BRAP: variants seen among roughly 807,000 people sequenced by gnomAD.
BRAP encodes BRCA1-associated protein.
In BRAP, 42 loss-of-function variants were observed where a neutral mutation model predicts 73.4. That is an observed-to-expected ratio of 0.57 (90% CI 0.45 to 0.74). The LOEUF is 0.74. Among genes scored for constraint, BRAP ranks in the 30% least tolerant of loss-of-function variants. BRAP has a pLI of 0.00. For missense variants in BRAP, 593 were observed against 751.4 expected, an observed-to-expected ratio of 0.79 and a Z score of 2.46; for synonymous variants, 255 against 267.4, an observed-to-expected ratio of 0.95 and a Z score of 0.45.
chr12:111,662,598 A>C (rs1438853093), intron 6 of BRAP, among the ~76,000 whole-genome samples: 1 of 152,098 alleles, frequency 6.6e-6, no homozygotes, highest in Non-Finnish European at 1.5e-5. Flanking sequence ...AGTAAATAAA[A>C]CCAAGAAAAT....
rs555226208 is a variant in BRAP, at chr12:111,671,093, C to G, written c.747+1568G>C. Among the ~76,000 whole-genome samples, 60 of 143,026 alleles carry G rather than the reference C, an allele frequency of 4.2e-4. 1 individual carries two copies. The highest frequency in any genetic ancestry group is 1.5e-3 in the African/African-American group (56 of 37,650). The allele number at this position is 143,026 out of a possible 152,430, so 93.8% of individuals were successfully genotyped here. On this transcript the variant is annotated intron_variant, in intron 5 of 11. Coordinates refer to ENST00000419234, the MANE Select transcript of BRAP (RefSeq NM_006768.5). ...CCAGCCTGGGTGACAGAGTGAGACT[C>G]ATGTCTCCAAAAAAAAAAGAAAGGA...
chr12:111,653,040 T>A (rs997653988), intron 10 of BRAP, among the ~76,000 whole-genome samples: 2 of 152,088 alleles, frequency 1.3e-5, no homozygotes, highest in African/African-American at 4.8e-5. Flanking sequence ...ATTTTTTTTT[T>A]AAATCAGCCA....
intron 1 of BRAP, 133 bp from the exon 2 acceptor site, chr12:111,683,440 A>T (rs1566133087): frequency 3.9e-6 from 4 of 1,015,734 alleles, no homozygotes; most frequent in Non-Finnish European, 2.9e-6. Context: ...TGTAGTATCC[A>T]TCTCACTCAA....
At chr12:111,679,982 G>C (rs1275957614) in intron 3 of BRAP, among the ~76,000 whole-genome samples, 1 of 150,456 alleles carries the variant, frequency 6.6e-6, no homozygotes, top group Non-Finnish European at 1.5e-5. Flanking sequence ...AAATATACGA[G>C]AGAATTCTGT....
rs1312690061 is a variant in BRAP at position 111,643,009 on chromosome 12, AC to A, written c.*1189del. 1 of 152,234 alleles carries A rather than the reference AC, an allele frequency of 6.6e-6. No homozygotes were observed. Among genetic ancestry groups the A allele is most frequent in the Admixed American group, 6.5e-5 (1 of 15,278 alleles). 9.4% of individuals were successfully genotyped at this position (152,234 alleles called of 1,614,324 possible). A position where few individuals can be genotyped will look rare whatever the true frequency, so the allele number is the denominator to read the frequency against. ...AAACTAAAACCTGTTGTTTAACAAT[AC>A]ATCTTACTAACCTATCCCTCTACCT... On this transcript the variant is annotated 3_prime_UTR_variant, in exon 12 of 12. Coordinates refer to ENST00000419234, the MANE Select transcript of BRAP (RefSeq NM_006768.5).
intron 4 of BRAP, among the ~76,000 whole-genome samples, chr12:111,675,051 A>G (rs1275326459): frequency 6.6e-6 from 1 of 152,186 alleles, no homozygotes; most frequent in Non-Finnish European, 1.5e-5. Context: ...ACCTGAGCCC[A>G]GGAGTTTGAG....
At chr12:111,646,671 G>C (rs1886123415) in intron 11 of BRAP, among the ~76,000 whole-genome samples, 1 of 152,098 alleles carries the variant, frequency 6.6e-6, no homozygotes, top group Non-Finnish European at 1.5e-5. Context: ...TACTCGGGAG[G>C]GTGAGGCAGG....
At chr12:111,675,304 G>GT (rs1887338944) in intron 4 of BRAP, among the ~76,000 whole-genome samples, 1 of 151,752 alleles carries the variant, frequency 6.6e-6, no homozygotes, top group Non-Finnish European at 1.5e-5. Context: ...AAGCATGTAG[G>GT]TGAGTTGTCA....
intron 10 of BRAP, among the ~76,000 whole-genome samples, chr12:111,651,321 C>T (rs1045708561): frequency 4.6e-5 from 7 of 151,922 alleles, no homozygotes; most frequent in East Asian, 1.9e-4. Context: ...GGGTGGATCA[C>T]GAGGTCAGGA....
intron 11 of BRAP, among the ~76,000 whole-genome samples, chr12:111,646,275 G>C (rs1302655941): frequency 1.3e-5 from 2 of 151,952 alleles, no homozygotes; most frequent in African/African-American, 2.4e-5. Flanking sequence ...GACAGAGTAA[G>C]ACCCTGTCTC....
rs202105196 is a variant in BRAP, at chr12:111,683,305, C to A, written c.85G>T (p.Gly29Trp). 1 of 1,608,138 alleles carries A rather than the reference C, an allele frequency of 6.2e-7. No homozygotes were observed. The highest frequency in any genetic ancestry group is 2.2e-5 in the East Asian group (1 of 44,790). ...PAGFGFSAAAGEMSDEEIKKT... is the reference protein window; with the variant it reads ...PAGFGFSAAAWEMSDEEIKKT... ...TTTATCTCCTCATCAGACATTTCCC[C>A]GGCTAAAGAACACATGAATGATTAA... Residue 29 changes from glycine (G) to tryptophan (W), a missense_variant and splice_region_variant, in exon 2 of 12, where the codon GGG (glycine) becomes TGG (tryptophan). Around this residue, in one of 4 missense-constraint regions of BRAP, gnomAD observed 304 missense variants for 337.7 expected, o/e 0.90. Transcript: ENST00000419234.
intron 11 of BRAP, among the ~76,000 whole-genome samples, chr12:111,647,444 G>A (rs1006204982): frequency 6.6e-6 from 1 of 152,190 alleles, no homozygotes; most frequent in African/African-American, 2.4e-5. Context: ...GATTATGCAT[G>A]TGAGATATTT....
In BRAP at chr12:111,665,111, C is replaced by A. The variant is rs1886891696; in HGVS notation, c.896+528G>T. ...GGGTAAAAAAAAGGTACAGGCCTTA[C>A]CTGTTCTTTGTCTGTAGCAACATCA... On this transcript the variant is annotated intron_variant, in intron 6 of 11. Transcript: ENST00000419234. This position sits in a 1 kb window ranked among gnomAD's most constrained non-coding sequence, Gnocchi z 4.3. Among the ~76,000 whole-genome samples the A allele has an allele frequency of 2.6e-5, 4 of 152,200 alleles. No individual in the cohort carries two copies. The South Asian group carries it at 8.3e-4, about 32-fold the overall frequency.
chr12:111,650,225 T>C (rs892990021), intron 10 of BRAP, among the ~76,000 whole-genome samples, 183 bp from the exon 11 acceptor site: 1 of 152,206 alleles, frequency 6.6e-6, no homozygotes, highest in Non-Finnish European at 1.5e-5. Context: ...AGGTAATCAT[T>C]TGAAAGAATT....
chr12:111,674,429 C>T (rs1398739440), intron 4 of BRAP, among the ~76,000 whole-genome samples: 1 of 152,058 alleles, frequency 6.6e-6, no homozygotes, highest in Non-Finnish European at 1.5e-5. Flanking sequence ...TTTTAGTAGA[C>T]ACAGGGTTTC....
intron 2 of BRAP, among the ~76,000 whole-genome samples, chr12:111,682,625 C>T (rs1887648195): frequency 6.6e-6 from 1 of 151,712 alleles, no homozygotes; most frequent in African/African-American, 2.4e-5. Context: ...GAAATTCTCC[C>T]TGGTAGCCGG....
chr12:111,659,280 A>G lies in BRAP; in HGVS notation c.1038T>C (p.Tyr346=), dbSNP rs949976345. The change falls in exon 8 of 12, where the codon TAT becomes TAC. Residue 346 remains tyrosine, a synonymous_variant. Transcript: ENST00000419234. ...GCGRYVSRHA[Y]KHFEETQHTY... ...TGTGCTGCGTTTCCTCAAAGTGCTT[A>G]TAAGCATGTCGACTGACATACCGTC... is the stretch of plus-strand genomic sequence containing the variant. The G allele has an allele frequency of 6.2e-7, 1 of 1,614,042 alleles. No individual in the cohort carries two copies. The highest frequency in any genetic ancestry group is 1.3e-5 in the African/African-American group (1 of 74,936).
intron 5 of BRAP, 82 bp downstream of exon 5, chr12:111,672,579 G>C: frequency 8.0e-7 from 1 of 1,243,460 alleles, no homozygotes; most frequent in Non-Finnish European, 1.1e-6. Context: ...GGCCTATTCT[G>C]GGTATTTCAC....
intron 5 of BRAP, among the ~76,000 whole-genome samples, chr12:111,671,465 G>A (rs1298377633): frequency 6.6e-6 from 1 of 152,000 alleles, no homozygotes; most frequent in Non-Finnish European, 1.5e-5. Context: ...CACAAGAATC[G>A]CTTGAACCTG....
Sources: gnomAD v4.1 joint callset for allele counts (sites outside exome capture counted in the v4.1 genomes callset) on GRCh38, gnomAD v4.1.1 for gene constraint, gnomAD v4.1.1 regional missense constraint, Gnocchi (gnomAD v3.1) non-coding constraint, MANE v1.5 for transcripts, NCBI Gene and HGNC (gene_info 2026-07-23, HGNC 2026-07-21) for gene names.